BRAF: variants seen among roughly 807,000 people sequenced by gnomAD.
BRAF encodes the protein B-Raf proto-oncogene, serine/threonine kinase.
Under a neutral mutation model 104.6 loss-of-function variants are expected in BRAF, and 16 were observed. The observed-to-expected ratio is 0.15, with a 90% CI of 0.10 to 0.23. BRAF has a LOEUF of 0.23. Among genes scored for constraint, BRAF ranks in the 10% least tolerant of loss-of-function variants. The pLI is 1.00. For synonymous variants in BRAF, 310 were observed against 341.6 expected (o/e 0.91, Z 1.02); for missense variants, 541 against 937.3 (o/e 0.58, Z 5.52).
At chr7:140,754,362 T>C (rs767717099) in intron 14 of BRAF, 129 bp from the exon 14 acceptor site, 1 of 779,456 alleles carries the variant, frequency 1.3e-6, no homozygotes, top group Non-Finnish European at 2.3e-6. Context: ...TACATTGTAA[T>C]AAACCCTTCA....
chr7:140,776,050 C>T (rs1800310027), intron 14 of BRAF, among the ~76,000 whole-genome samples: 1 of 152,172 alleles, frequency 6.6e-6, no homozygotes, highest in African/African-American at 2.4e-5. Context: ...CTGAGTTAAA[C>T]ACCTTTGGTG....
intron 9 of BRAF, among the ~76,000 whole-genome samples, chr7:140,786,658 T>C (rs964871430): frequency 2.0e-5 from 3 of 152,172 alleles, no homozygotes; most frequent in Admixed American, 1.3e-4. Context: ...AGAGGACAAA[T>C]GGGCTTTGCC....
rs955654903 is a variant in BRAF at position 140,721,574 on chromosome 7, T to C, written c.*4920A>G. ...CAGAGCTAGCAACATGGACCACAGATATACTGGTGACTCCGCTCTCCTCTG... is the reference window on the plus strand; with the variant it reads ...CAGAGCTAGCAACATGGACCACAGACATACTGGTGACTCCGCTCTCCTCTG... On this transcript the variant is annotated 3_prime_UTR_variant, in exon 20 of 20. Transcript: ENST00000644969. The C allele has an allele frequency of 6.6e-7, 1 of 1,523,318 alleles. No homozygotes were observed. The allele number at this position is 1,523,318 out of a possible 1,614,324, so 94.4% of individuals were successfully genotyped here.
At chr7:140,917,673 A>G (rs1200826878) in intron 1 of BRAF, among the ~76,000 whole-genome samples, 1 of 152,188 alleles carries the variant, frequency 6.6e-6, no homozygotes, top group Non-Finnish European at 1.5e-5. Flanking sequence ...CCTACATCTT[A>G]CTTTGAGAAC....
intron 3 of BRAF, 73 bp from the exon 4 acceptor site, chr7:140,809,068 T>C (rs1439117353): frequency 2.4e-6 from 3 of 1,247,638 alleles, no homozygotes; most frequent in South Asian, 2.4e-5. Flanking sequence ...TAAAAAAATT[T>C]AGTAATTCAT....
intron 3 of BRAF, among the ~76,000 whole-genome samples, chr7:140,812,160 CTGTGTG>C (rs201757515): frequency 5.1e-4 from 72 of 140,622 alleles, no homozygotes; most frequent in African/African-American, 1.3e-3. Flanking sequence ...GCATGCACAC[CTGTGTG>C]TGTGTGTGTG....
At chr7:140,923,337 CCATAT>C (rs1399548713) in intron 1 of BRAF, among the ~76,000 whole-genome samples, 2 of 152,046 alleles carry the variant, frequency 1.3e-5, no homozygotes, top group African/African-American at 4.8e-5. Flanking sequence ...AATTATTATA[CCATAT>C]CTTATTTGTA....
intron 2 of BRAF, among the ~76,000 whole-genome samples, chr7:140,846,050 C>G (rs1309826757): frequency 6.6e-6 from 1 of 151,956 alleles, no homozygotes; most frequent in Non-Finnish European, 1.5e-5. Context: ...GAACCCCATG[C>G]GATGCCAGTA....
rs527767146 is a variant in BRAF, at chr7:140,851,997, C to G, written c.139-1785G>C. On this transcript the variant is annotated intron_variant, in intron 1 of 19. Transcript: ENST00000644969. The stretch of plus-strand genomic sequence containing the variant: ...GGTCTTTCAATTGTTTTTCATGACT[C>G]TTGTCATATAAAGTCTTGCTACTCA... 1.1e-3 allele frequency among the ~76,000 whole-genome samples: 172 copies of G among 152,194 alleles called. 1 individual carries two copies. Among genetic ancestry groups the G allele is most frequent in the Non-Finnish European group, 2.6e-4 (18 of 68,008 alleles).
intron 17 of BRAF, chr7:140,747,515 C>G: frequency 1.5e-6 from 1 of 652,222 alleles, no homozygotes; most frequent in South Asian, 1.7e-5. Flanking sequence ...GGAGATAATA[C>G]TTGTTTCTAT....
In BRAF at chr7:140,759,883, G is replaced by A. The variant is rs992173783; in HGVS notation, c.1815-5650C>T. Among the ~76,000 whole-genome samples, 4 of 152,232 alleles carry A rather than the reference G, an allele frequency of 2.6e-5. No individual in the cohort carries two copies. The South Asian group carries it at 8.3e-4, about 32-fold the overall frequency. ...GCAGTCTTTGATTCAGGTCTGGGGT[G>A]GTATCTAAAACTTAGCATTTCTAAA... is the stretch of plus-strand genomic sequence containing the variant. On this transcript the variant is annotated intron_variant, in intron 14 of 19. Transcript: ENST00000644969.
At chr7:140,778,759 A>C (rs1158602115) in intron 12 of BRAF, among the ~76,000 whole-genome samples, 1 of 152,050 alleles carries the variant, frequency 6.6e-6, no homozygotes, top group Admixed American at 6.6e-5. Flanking sequence ...ACTTTATGTG[A>C]AACAGCTGTA....
At chr7:140,822,324 C>T (rs969891733) in intron 3 of BRAF, 1 of 152,040 alleles carries the variant, frequency 6.6e-6, no homozygotes, top group Admixed American at 6.6e-5. Flanking sequence ...TTAGAGTACA[C>T]AATTTGATAC....
intron 1 of BRAF, among the ~76,000 whole-genome samples, chr7:140,879,338 C>T (rs1333337376): frequency 4.0e-5 from 6 of 151,226 alleles, no homozygotes; most frequent in Non-Finnish European, 8.8e-5. Context: ...TGCACCACCA[C>T]GCCCAGCTAA....
At chr7:140,918,906 G>A (rs1415618183) in intron 1 of BRAF, among the ~76,000 whole-genome samples, 8 of 152,300 alleles carry the variant, frequency 5.3e-5, no homozygotes, top group African/African-American at 1.9e-4. Flanking sequence ...TTGGGAGGCT[G>A]AGGCGGGCAG....
chr7:140,914,786 T>A (rs920242837), intron 1 of BRAF, among the ~76,000 whole-genome samples: 4 of 151,914 alleles, frequency 2.6e-5, no homozygotes, highest in Admixed American at 6.6e-5. Context: ...ATGCCTGTAA[T>A]CCCAGCACTT....
chr7:140,804,087 A>G (rs1452007853), intron 5 of BRAF, among the ~76,000 whole-genome samples: 1 of 152,104 alleles, frequency 6.6e-6, no homozygotes, highest in East Asian at 1.9e-4. Context: ...GAGTTTCACC[A>G]TGTTGGCCAG....
At chr7:140,823,370 G>T (rs1805682154) in intron 3 of BRAF, among the ~76,000 whole-genome samples, 1 of 152,090 alleles carries the variant, frequency 6.6e-6, no homozygotes, top group Non-Finnish European at 1.5e-5. Flanking sequence ...CTGTGTCTCT[G>T]TGAGTCTGAA....
intron 1 of BRAF, 140 bp from the exon 2 acceptor site, chr7:140,850,352 T>C: frequency 1.6e-6 from 1 of 610,720 alleles, no homozygotes. Context: ...ACAGTGGTTT[T>C]TCTCTTTTAT....
Sources: allele counts gnomAD v4.1 joint callset (sites outside exome capture counted in the v4.1 genomes callset), GRCh38; gene constraint gnomAD v4.1.1; transcripts MANE v1.5; gene names NCBI Gene and HGNC (gene_info 2026-07-23, HGNC 2026-07-21).